The following HPSE2 variants were observed in gnomAD, a reference collection of about 807,000 sequenced individuals.
The protein encoded by HPSE2 is inactive heparanase-2.
In HPSE2, 38 loss-of-function variants were observed where a neutral mutation model predicts 60.5. The ratio of observed to expected loss-of-function variants is 0.63; its 90% confidence interval spans 0.48 to 0.82. The LOEUF is 0.82. Ranked by LOEUF, HPSE2 falls within the 40% of genes least tolerant of loss-of-function variation. The probability of loss-of-function intolerance (pLI) is 0.00; values close to 1 mark genes in which losing one functional copy is unlikely to be tolerated. For missense variants in HPSE2, 713 were observed against 740.4 expected (o/e 0.96, Z 0.43); for synonymous variants, 295 against 293.2 (o/e 1.01, Z -0.06).
chr10:98,909,947 T>C (rs1953934148), intron 3 of HPSE2, among the ~76,000 whole-genome samples: 1 of 152,180 alleles, frequency 6.6e-6, no homozygotes, highest in Non-Finnish European at 1.5e-5. Flanking sequence ...TGGAAAAAAC[T>C]GTTAACAGAG....
intron 3 of HPSE2, among the ~76,000 whole-genome samples, chr10:98,987,704 G>T (rs1252688454): frequency 1.3e-5 from 2 of 152,230 alleles, no homozygotes; most frequent in African/African-American, 4.8e-5. Context: ...AAGTCAAATT[G>T]TCCCTGTTTG....
At chr10:98,534,150 T>G (rs1453007939) in intron 9 of HPSE2, among the ~76,000 whole-genome samples, 1 of 152,238 alleles carries the variant, frequency 6.6e-6, no homozygotes. Flanking sequence ...GGGTGGCATC[T>G]GCTCTGAAGA....
intron 11 of HPSE2, among the ~76,000 whole-genome samples, chr10:98,462,418 A>T (rs950350512): frequency 5.9e-5 from 9 of 152,102 alleles, no homozygotes; most frequent in Non-Finnish European, 1.2e-4. Context: ...ACCTCAAGCG[A>T]TCCACCTGCC....
chr10:99,069,398 AT>A (rs1033762328), intron 3 of HPSE2, among the ~76,000 whole-genome samples: 2 of 152,098 alleles, frequency 1.3e-5, no homozygotes, highest in African/African-American at 4.8e-5. Context: ...GAATCAAATC[AT>A]GAGAGCTAGA....
At chr10:99,183,892 AG>A (rs779924657) in intron 2 of HPSE2, among the ~76,000 whole-genome samples, 1 of 152,218 alleles carries the variant, frequency 6.6e-6, no homozygotes, top group Non-Finnish European at 1.5e-5. Context: ...TGAATACAGA[AG>A]GGTACTGACA....
At chr10:98,849,300 C>T (rs1221530967) in intron 3 of HPSE2, among the ~76,000 whole-genome samples, 1 of 152,154 alleles carries the variant, frequency 6.6e-6, no homozygotes, top group Non-Finnish European at 1.5e-5. Context: ...TGCACACATC[C>T]ATATACACAC....
chr10:98,868,393 T>C (rs904564208), intron 3 of HPSE2, among the ~76,000 whole-genome samples: 3 of 151,962 alleles, frequency 2.0e-5, no homozygotes, highest in Non-Finnish European at 4.4e-5. Context: ...GGATGGTTAA[T>C]GGGTCCAAAT....
chr10:98,651,192 A>C (rs576600134), intron 6 of HPSE2, among the ~76,000 whole-genome samples: 1 of 152,328 alleles, frequency 6.6e-6, no homozygotes. Flanking sequence ...TCTGTTTAAA[A>C]AGAAAAGTTA....
chr10:98,607,961 A>ATATATTAAT (rs1370662794), intron 9 of HPSE2, among the ~76,000 whole-genome samples: 1 of 152,256 alleles, frequency 6.6e-6, no homozygotes, highest in Admixed American at 6.5e-5. Flanking sequence ...CTTTATAAAT[A>ATATATTAAT]ATAATAGTGA....
At chr10:98,721,560 A>C in intron 5 of HPSE2, 97 bp downstream of exon 5, 1 of 1,092,514 alleles carries the variant, frequency 9.2e-7, no homozygotes, top group African/African-American at 1.6e-5. Context: ...TTAAGACCAA[A>C]ATAAATAAAT....
At chr10:99,067,797 GCTT>G (rs942829785) in intron 3 of HPSE2, among the ~76,000 whole-genome samples, 1 of 152,146 alleles carries the variant, frequency 6.6e-6, no homozygotes, top group Non-Finnish European at 1.5e-5. Context: ...ATAACATTTG[GCTT>G]CTTGTTAATT....
the HPSE2 span, among the ~76,000 whole-genome samples, chr10:99,299,881 T>C: frequency 6.6e-6 from 1 of 152,088 alleles, no homozygotes; most frequent in Admixed American, 6.6e-5. Flanking sequence ...GAGTGAGCTC[T>C]CCTGGGTGTG....
chr10:98,534,028 A>G (rs1355629829), intron 9 of HPSE2, among the ~76,000 whole-genome samples: 1 of 152,204 alleles, frequency 6.6e-6, no homozygotes, highest in Admixed American at 6.5e-5. Context: ...TTAGCCTTTC[A>G]GGACAATAAG....
intron 2 of HPSE2, among the ~76,000 whole-genome samples, chr10:99,219,960 C>G (rs144886800): frequency 6.6e-6 from 1 of 152,228 alleles, no homozygotes; most frequent in East Asian, 1.9e-4. Flanking sequence ...CAAAGAGAAT[C>G]AAAAATTCCT....
chr10:98,755,857 G>A (rs536200508), intron 3 of HPSE2, among the ~76,000 whole-genome samples: 30 of 152,160 alleles, frequency 2.0e-4, no homozygotes, highest in Non-Finnish European at 3.8e-4. Context: ...TTAGTTGGGC[G>A]TAGTAGCACA....
Position 98,457,358 on chromosome 10 carries a change from C to T in HPSE2, c.*2216G>A, listed in dbSNP as rs1940091137. On this transcript the variant is annotated 3_prime_UTR_variant, in exon 12 of 12. Transcript: ENST00000370552. ...TGAGTGGGCAGGCTCTGGATTATTT[C>T]GCGCTCGGCAACCCATTTCCCCGGG... is the stretch of plus-strand genomic sequence containing the variant. The T allele has an allele frequency of 6.6e-6, 1 of 152,224 alleles. No individual in the cohort carries two copies. Among genetic ancestry groups the T allele is most frequent in the South Asian group, 2.1e-4 (1 of 4,828 alleles). 9.4% of individuals were successfully genotyped at this position (152,224 alleles called of 1,614,324 possible).
In HPSE2 at chr10:98,525,425, T is replaced by C. The variant is rs967427110; in HGVS notation, c.1321-35229A>G. Among the ~76,000 whole-genome samples the C allele has an allele frequency of 4.6e-5, 7 of 152,372 alleles. No homozygotes were observed. The South Asian group carries it at 8.3e-4, about 18-fold the overall frequency. On this transcript the variant is annotated intron_variant, in intron 9 of 11. Transcript: ENST00000370552. ...CGTCTTGTCATACAATTCATAGGCA[T>C]ATGCCATAAAATGGAATAGGAGTCT...
chr10:98,628,595 C>T (rs1946278266), intron 7 of HPSE2, among the ~76,000 whole-genome samples: 1 of 152,092 alleles, frequency 6.6e-6, no homozygotes, highest in South Asian at 2.1e-4. Flanking sequence ...TGGTTGGCTG[C>T]CTTTCAGCTG....
In HPSE2 at chr10:98,957,674, G is replaced by C. The variant is rs534455651; in HGVS notation, c.610+186564C>G. On this transcript the variant is annotated intron_variant, in intron 3 of 11. Coordinates refer to ENST00000370552, the MANE Select transcript of HPSE2 (RefSeq NM_021828.5). ...TTAATAACGTGGCTCTGGTTCTTGA[G>C]TCTCACTCTCTCTCTCCCGACTTCC... is the stretch of plus-strand genomic sequence containing the variant. 1.5e-4 allele frequency among the ~76,000 whole-genome samples: 23 copies of C among 152,180 alleles called. No individual in the cohort carries two copies. The East Asian group carries it at 4.4e-3, about 29-fold the overall frequency.
Sources: allele counts gnomAD v4.1 joint callset (sites outside exome capture counted in the v4.1 genomes callset), GRCh38; gene constraint gnomAD v4.1.1; transcripts MANE v1.5; gene names NCBI Gene and HGNC (gene_info 2026-07-23, HGNC 2026-07-21).